The following KIF6 variants were observed in gnomAD, a reference collection of about 807,000 sequenced individuals.
KIF6 encodes the protein kinesin-like protein KIF6.
Under a neutral mutation model 112.7 loss-of-function variants are expected in KIF6, and 106 were observed. That is an observed-to-expected ratio of 0.94 (90% CI 0.80 to 1.11). The LOEUF (loss-of-function observed/expected upper bound fraction) is 1.11. Ranked by LOEUF, KIF6 falls within the 50% of genes least tolerant of loss-of-function variation. The pLI is 0.00. For missense variants in KIF6, 929 were observed against 964.0 expected (o/e 0.96, Z 0.48); for synonymous variants, 339 against 339.9 (o/e 1.00, Z 0.03).
chr6:39,627,160 A>C (rs1784134654), intron 5 of KIF6, among the ~76,000 whole-genome samples: 1 of 152,170 alleles, frequency 6.6e-6, no homozygotes, highest in African/African-American at 2.4e-5. Context: ...TAACTGTCAC[A>C]GAACAAGCCC....
In KIF6 at chr6:39,537,351, A is replaced by G. The variant is rs540062503; in HGVS notation, c.1645+2652T>C. Among the ~76,000 whole-genome samples, 22 of 152,336 alleles carry G rather than the reference A, an allele frequency of 1.4e-4. 1 individual carries two copies. In the South Asian group the frequency reaches 4.6e-3, roughly 32 times the overall value. Reference sequence around the variant, plus strand: ...CAGCCCAAAATCTCCTTAAGGTGATAAGCAACTTCAGCAAAGTGTTAGGAT... The same window carrying G: ...CAGCCCAAAATCTCCTTAAGGTGATGAGCAACTTCAGCAAAGTGTTAGGAT... On this transcript the variant is annotated intron_variant, in intron 13 of 22. Transcript: ENST00000287152.
chr6:39,561,812 C>G (rs750061061), intron 10 of KIF6, among the ~76,000 whole-genome samples: 2 of 152,136 alleles, frequency 1.3e-5, no homozygotes, highest in Non-Finnish European at 2.9e-5. Context: ...CCCAGGGAGT[C>G]CCCAGACAGG....
intron 3 of KIF6, among the ~76,000 whole-genome samples, chr6:39,658,893 T>C (rs1785963028): frequency 6.6e-6 from 1 of 152,120 alleles, no homozygotes; most frequent in East Asian, 1.9e-4. Flanking sequence ...TTCTTTTGAG[T>C]TATAAAGAAT....
intron 7 of KIF6, among the ~76,000 whole-genome samples, chr6:39,593,257 G>A (rs1209773555): frequency 6.6e-6 from 1 of 152,104 alleles, no homozygotes; most frequent in Non-Finnish European, 1.5e-5. Flanking sequence ...TCTCATTAGT[G>A]CCATAATAAA....
chr6:39,337,227 C>CTT (rs1157662002), intron 22 of KIF6, among the ~76,000 whole-genome samples: 38 of 94,910 alleles, frequency 4.0e-4, no homozygotes, highest in African/African-American at 2.5e-3. Context: ...TTCTTTCTTT[C>CTT]TTTCTTTCTT....
intron 15 of KIF6, among the ~76,000 whole-genome samples, chr6:39,410,746 T>C (rs1455430930): frequency 6.6e-6 from 1 of 152,188 alleles, no homozygotes; most frequent in Non-Finnish European, 1.5e-5. Flanking sequence ...AATTAAGGAA[T>C]TGATGTCACC....
intron 13 of KIF6, among the ~76,000 whole-genome samples, chr6:39,532,438 T>C (rs1778130195): frequency 6.6e-6 from 1 of 152,124 alleles, no homozygotes; most frequent in Admixed American, 6.5e-5. Context: ...AATTAATGAA[T>C]TCAGCAATCC....
At chr6:39,556,974 A>AT (rs1168611384) in intron 10 of KIF6, among the ~76,000 whole-genome samples, 1 of 151,928 alleles carries the variant, frequency 6.6e-6, no homozygotes, top group Non-Finnish European at 1.5e-5. Context: ...AGAAATATAC[A>AT]TTTTTTTCAG....
At chr6:39,490,409 C>T (rs112429408) in intron 13 of KIF6, among the ~76,000 whole-genome samples, 215 of 152,210 alleles carry the variant, frequency 1.4e-3, no homozygotes, top group African/African-American at 5.0e-3. Flanking sequence ...AGGAATGCTA[C>T]CGGGGAAAAA....
intron 13 of KIF6, among the ~76,000 whole-genome samples, chr6:39,508,753 G>A (rs142066696): frequency 5.3e-5 from 8 of 152,258 alleles, no homozygotes; most frequent in East Asian, 1.9e-4. Flanking sequence ...GGAGCCCACC[G>A]CAGCTCAGCA....
intron 12 of KIF6, among the ~76,000 whole-genome samples, chr6:39,541,406 G>A (rs1778778978): frequency 6.6e-6 from 1 of 152,286 alleles, no homozygotes; most frequent in South Asian, 2.1e-4. Flanking sequence ...GAAGAACAGG[G>A]CTCTGGCCGA....
rs184804702 is a variant in KIF6, at chr6:39,526,899, C to A, written c.1645+13104G>T. Among the ~76,000 whole-genome samples the A allele has an allele frequency of 2.8e-3, 426 of 152,272 alleles. 1 individual carries two copies. Among genetic ancestry groups the A allele is most frequent in the Non-Finnish European group, 4.9e-3 (336 of 68,028 alleles). On this transcript the variant is annotated intron_variant, in intron 13 of 22. Coordinates refer to ENST00000287152, the MANE Select transcript of KIF6 (RefSeq NM_145027.6). Reference sequence around the variant, plus strand: ...AGATGGATCATGGGTGATTTCAAAGCAGAGGTAGGCATTCATGCTTAAGGC... The same window carrying A: ...AGATGGATCATGGGTGATTTCAAAGAAGAGGTAGGCATTCATGCTTAAGGC...
At chr6:39,627,627 T>G (rs993576418) in intron 5 of KIF6, among the ~76,000 whole-genome samples, 1 of 152,184 alleles carries the variant, frequency 6.6e-6, no homozygotes, top group Non-Finnish European at 1.5e-5. Context: ...GACTTAAATT[T>G]AACATTTGGT....
intron 3 of KIF6, among the ~76,000 whole-genome samples, chr6:39,649,720 T>TGAAAGAAA (rs1561897186): frequency 8.3e-6 from 1 of 120,544 alleles, no homozygotes; most frequent in African/African-American, 3.3e-5. Context: ...AACACTCTGA[T>TGAAAGAAA]TAAAGAAAGA....
At chr6:39,359,969 A>G (rs978840728) in intron 18 of KIF6, among the ~76,000 whole-genome samples, 3 of 152,188 alleles carry the variant, frequency 2.0e-5, no homozygotes, top group Non-Finnish European at 4.4e-5. Context: ...TGTTAATATC[A>G]ATTACATTTA....
At chr6:39,602,748 G>T (rs1782646731) in intron 6 of KIF6, among the ~76,000 whole-genome samples, 1 of 152,090 alleles carries the variant, frequency 6.6e-6, no homozygotes, top group South Asian at 2.1e-4. Flanking sequence ...TATTTGCTGT[G>T]CGTGATTCCA....
intron 15 of KIF6, among the ~76,000 whole-genome samples, chr6:39,413,472 G>A (rs1769641933): frequency 1.3e-5 from 2 of 152,246 alleles, no homozygotes; most frequent in South Asian, 2.1e-4. Context: ...CATGATCTAG[G>A]CCTAGTCAGT....
At position 39,510,764 on chromosome 6, in the gene KIF6, A is replaced by G. The variant is rs1443771518; in HGVS notation, c.1645+29239T>C. Among the ~76,000 whole-genome samples, 5 of 151,320 alleles carry G rather than the reference A, an allele frequency of 3.3e-5. No individual in the cohort carries two copies. The East Asian group carries it at 9.7e-4, about 29-fold the overall frequency. On this transcript the variant is annotated intron_variant, in intron 13 of 22. Coordinates refer to ENST00000287152, the MANE Select transcript of KIF6 (RefSeq NM_145027.6). ...ACACAGACTGGCAAATTGGATAAAGAGTCAAGACCCATTGGTGTGCTGTAT... is the reference window on the plus strand; with the variant it reads ...ACACAGACTGGCAAATTGGATAAAGGGTCAAGACCCATTGGTGTGCTGTAT...
intron 13 of KIF6, among the ~76,000 whole-genome samples, chr6:39,495,160 T>C (rs1025340396): frequency 6.6e-6 from 1 of 152,208 alleles, no homozygotes; most frequent in African/African-American, 2.4e-5. Flanking sequence ...TAAAACCCTG[T>C]TTCCACAGAG....
Sources: allele counts gnomAD v4.1 joint callset (sites outside exome capture counted in the v4.1 genomes callset), GRCh38; gene constraint gnomAD v4.1.1; transcripts MANE v1.5; gene names NCBI Gene and HGNC (gene_info 2026-07-23, HGNC 2026-07-21).